The following PCDH15 variants were observed in gnomAD, a reference collection of about 807,000 sequenced individuals.
PCDH15 encodes protocadherin-15.
In PCDH15, 129 loss-of-function variants were observed where a neutral mutation model predicts 178.5. The observed-to-expected ratio is 0.72, with a 90% CI of 0.63 to 0.84. PCDH15 has a LOEUF of 0.84. Among genes scored for constraint, PCDH15 ranks in the 40% least tolerant of loss-of-function variants. The pLI is 0.00. For missense variants in PCDH15, 2,230 were observed against 2,099.9 expected (o/e 1.06, Z -1.21); for synonymous variants, 800 against 732.0 (o/e 1.09, Z -1.50).
At chr10:54,056,134 G>A (rs2093881155) in intron 18 of PCDH15, among the ~76,000 whole-genome samples, 1 of 152,102 alleles carries the variant, frequency 6.6e-6, no homozygotes, top group Non-Finnish European at 1.5e-5. Flanking sequence ...TATAATATAT[G>A]TACATATTTA....
chr10:54,989,729 A>C (rs1839455336), intron 2 of PCDH15, among the ~76,000 whole-genome samples: 1 of 152,144 alleles, frequency 6.6e-6, no homozygotes, highest in Non-Finnish European at 1.5e-5. Context: ...AATGAGTTAT[A>C]ACTTTGGGGG....
intron 3 of PCDH15, among the ~76,000 whole-genome samples, chr10:54,893,068 A>G (rs1474915819): frequency 6.6e-6 from 1 of 152,096 alleles, no homozygotes; most frequent in East Asian, 1.9e-4. Context: ...AATTAGATTG[A>G]CACTTAAACT....
chr10:55,165,199 G>A (rs1170809730), intron 2 of PCDH15, among the ~76,000 whole-genome samples: 1 of 151,894 alleles, frequency 6.6e-6, no homozygotes, highest in Admixed American at 6.6e-5. Context: ...CTCAACAAAC[G>A]ATGAAATTAT....
chr10:54,273,408 T>C lies in PCDH15; in HGVS notation c.877-36477A>G, dbSNP rs547249847. Among the ~76,000 whole-genome samples the C allele has an allele frequency of 1.4e-4, 21 of 150,904 alleles. No individual in the cohort carries two copies. In the East Asian group the frequency reaches 1.9e-3, roughly 14 times the overall value. ...AAAGGTGATGCTTTAAAAACTGTAA[T>C]TAAATAGACAAATTTCCAGCCAGAT... On this transcript the variant is annotated intron_variant, in intron 8 of 37. Transcript: ENST00000644397.
intron 2 of PCDH15, among the ~76,000 whole-genome samples, chr10:54,555,014 T>C (rs1203506215): frequency 6.6e-6 from 1 of 152,102 alleles, no homozygotes; most frequent in African/African-American, 2.4e-5. Context: ...ATAAAGGACA[T>C]TGGAAAATAG....
intron 2 of PCDH15, among the ~76,000 whole-genome samples, chr10:55,052,509 G>GA (rs1411161175): frequency 0.11 from 2 of 18 alleles, no homozygotes; most frequent in African/African-American, 0.33. Flanking sequence ...AGACCAGCCT[G>GA]GCAACATGGC....
intron 9 of PCDH15, 73 bp from the exon 10 acceptor site, chr10:54,214,121 C>T (rs2051741228): frequency 2.4e-6 from 2 of 850,260 alleles, no homozygotes; most frequent in African/African-American, 1.7e-5. Flanking sequence ...TTCTATTTCC[C>T]TTCATCAGCT....
At chr10:54,805,875 A>G (rs147139191), upstream of PCDH15, among the ~76,000 whole-genome samples, 46 of 152,344 alleles carry the variant, frequency 3.0e-4, no homozygotes, top group African/African-American at 9.1e-4. Flanking sequence ...ATCTTTTAAA[A>G]TATAATTCTT....
intron 9 of PCDH15, among the ~76,000 whole-genome samples, chr10:54,225,440 C>T (rs1010819116): frequency 1.3e-5 from 2 of 152,170 alleles, no homozygotes; most frequent in African/African-American, 4.8e-5. Context: ...CCAAGTGATT[C>T]TTCCTTACCT....
intron 1 of PCDH15, among the ~76,000 whole-genome samples, chr10:54,690,612 C>A (rs1237571222): frequency 2.0e-5 from 3 of 152,084 alleles, no homozygotes; most frequent in Non-Finnish European, 4.4e-5. Flanking sequence ...CATGGCCAGC[C>A]ACAAGACTAT....
intron 3 of PCDH15, among the ~76,000 whole-genome samples, chr10:54,393,308 C>T (rs1162442659): frequency 1.3e-5 from 2 of 152,164 alleles, no homozygotes; most frequent in Non-Finnish European, 2.9e-5. Context: ...ATCATCTGAA[C>T]TACTGCACTT....
At chr10:53,920,843 G>C (rs558448010) in intron 25 of PCDH15, among the ~76,000 whole-genome samples, 45 of 152,210 alleles carry the variant, frequency 3.0e-4, no homozygotes, top group Non-Finnish European at 5.4e-4. Flanking sequence ...AGGTATATTG[G>C]ATTTACTCGT....
At chr10:55,159,371 A>ATCTATC (rs61145272) in intron 2 of PCDH15, among the ~76,000 whole-genome samples, 66 of 5,948 alleles carry the variant, frequency 0.011, 1 homozygote, top group African/African-American at 0.012. Context: ...CTATCTATCT[A>ATCTATC]TATATATATA....
At chr10:53,838,254 C>G (rs749286746) in intron 29 of PCDH15, among the ~76,000 whole-genome samples, 22 of 152,128 alleles carry the variant, frequency 1.4e-4, no homozygotes, top group African/African-American at 5.1e-4. Flanking sequence ...GGATTACAGG[C>G]GTGAGCTACC....
intron 2 of PCDH15, among the ~76,000 whole-genome samples, chr10:55,094,349 C>T (rs1045323249): frequency 4.0e-5 from 6 of 151,612 alleles, no homozygotes; most frequent in African/African-American, 1.5e-4. Context: ...ACTGAGAACA[C>T]TTGGACACAG....
chr10:55,579,546 C>T (rs1172495965), intron 2 of PCDH15, among the ~76,000 whole-genome samples: 1 of 152,074 alleles, frequency 6.6e-6, no homozygotes, highest in Non-Finnish European at 1.5e-5. Flanking sequence ...TAACTAGACA[C>T]TGTCTTATGT....
chr10:55,296,240 G>A (rs1488206475), intron 1 of PCDH15, among the ~76,000 whole-genome samples: 1 of 152,114 alleles, frequency 6.6e-6, no homozygotes, highest in East Asian at 1.9e-4. Context: ...GTTTTATGAA[G>A]TTTTCACCAA....
chr10:53,892,434 A>G (rs1254202472), intron 26 of PCDH15, among the ~76,000 whole-genome samples: 2 of 152,204 alleles, frequency 1.3e-5, no homozygotes, highest in Non-Finnish European at 2.9e-5. Context: ...ATTTTTAATT[A>G]AATTACATTC....
intron 3 of PCDH15, among the ~76,000 whole-genome samples, chr10:54,844,469 G>A (rs1953470534): frequency 6.6e-6 from 1 of 151,658 alleles, no homozygotes; most frequent in Non-Finnish European, 1.5e-5. Context: ...CCTCACTCTT[G>A]CTTTGATGGA....
Sources: allele counts gnomAD v4.1 joint callset (sites outside exome capture counted in the v4.1 genomes callset), GRCh38; gene constraint gnomAD v4.1.1; transcripts MANE v1.5; gene names NCBI Gene and HGNC (gene_info 2026-07-23, HGNC 2026-07-21).